Variants in MSH4 observed in about 807,000 individuals in gnomAD.
The protein encoded by MSH4 is mutS homolog 4, also known as mutS protein homolog 4.
MSH4 carries 106 observed loss-of-function variants against 113.7 expected under a neutral mutation model. The ratio of observed to expected loss-of-function variants is 0.93; its 90% CI spans 0.80 to 1.10. The LOEUF (loss-of-function observed/expected upper bound fraction) is 1.10. Ranked by LOEUF, MSH4 falls within the 50% of genes least tolerant of loss-of-function variation. MSH4 has a pLI of 0.00. For synonymous variants in MSH4, 368 were observed against 380.2 expected, an observed-to-expected ratio of 0.97 and a Z score of 0.37; for missense variants, 1,061 against 1,093.7, an observed-to-expected ratio of 0.97 and a Z score of 0.42.
intron 8 of MSH4, among the ~76,000 whole-genome samples, chr1:75,859,288 T>G (rs950038139): frequency 1.3e-5 from 2 of 152,304 alleles, no homozygotes; most frequent in Admixed American, 6.5e-5. Context: ...TTTTAGTTAT[T>G]TCTTATCTTC....
intron 1 of MSH4, among the ~76,000 whole-genome samples, chr1:75,801,632 G>A (rs962267915): frequency 1.3e-5 from 2 of 151,600 alleles, no homozygotes; most frequent in Non-Finnish European, 2.9e-5. Flanking sequence ...TCAGTGCTTT[G>A]GGAGGCTGAA....
chr1:75,896,101 G>A (rs1457756387), intron 17 of MSH4, among the ~76,000 whole-genome samples: 2 of 152,066 alleles, frequency 1.3e-5, no homozygotes, highest in East Asian at 1.9e-4. Flanking sequence ...GAAGAAAAAG[G>A]CTGATCCTTC....
intron 10 of MSH4, among the ~76,000 whole-genome samples, chr1:75,877,557 A>C (rs1036140827): frequency 6.6e-6 from 1 of 152,196 alleles, no homozygotes; most frequent in Non-Finnish European, 1.5e-5. Flanking sequence ...AGTTAATAAT[A>C]AAACTGGCTT....
In MSH4 at chr1:75,867,396, T is replaced by C. The variant is rs5745432; in HGVS notation, c.1231-118T>C. On this transcript the variant is annotated intron_variant, in intron 8 of 19. Transcript: ENST00000263187. Reference sequence around the variant, plus strand: ...TCATTCTTTAGGCTTGCATTGCGGCTAGGCTGATATATAAAAATATATGGG... The same window carrying C: ...TCATTCTTTAGGCTTGCATTGCGGCCAGGCTGATATATAAAAATATATGGG... 115 of 638,252 alleles carry C rather than the reference T, an allele frequency of 1.8e-4. No individual in the cohort carries two copies. In the Admixed American group the frequency reaches 3.7e-3, roughly 21 times the overall value. The allele number at this position is 638,252 out of a possible 1,614,324, so 39.5% of individuals were successfully genotyped here.
intron 7 of MSH4, among the ~76,000 whole-genome samples, chr1:75,823,588 C>A (rs1401334211): frequency 1.3e-5 from 2 of 152,130 alleles, no homozygotes; most frequent in Non-Finnish European, 2.9e-5. Flanking sequence ...TTAAGCCTTG[C>A]ATGCATTGGG....
At chr1:75,886,595 TTA>T (rs1159564706) in intron 15 of MSH4, among the ~76,000 whole-genome samples, 1 of 122,794 alleles carries the variant, frequency 8.1e-6, no homozygotes, top group Non-Finnish European at 1.6e-5. Flanking sequence ...ATATAATGTA[TTA>T]TATATTATAT....
At chr1:75,819,836 G>A (rs191266894) in intron 6 of MSH4, among the ~76,000 whole-genome samples, 88 of 152,142 alleles carry the variant, frequency 5.8e-4, no homozygotes, top group Middle Eastern at 6.8e-3. Context: ...TCAGCCTCCT[G>A]AGAAGCTGGG....
chr1:75,837,789 A>T (rs1460954486), intron 7 of MSH4, among the ~76,000 whole-genome samples: 3 of 151,946 alleles, frequency 2.0e-5, no homozygotes, highest in East Asian at 1.9e-4. Flanking sequence ...CTTAACTCTT[A>T]CCTTCCTTCC....
chr1:75,799,050 A>G (rs142199754), intron 1 of MSH4, among the ~76,000 whole-genome samples: 297 of 152,320 alleles, frequency 1.9e-3, no homozygotes, highest in African/African-American at 6.8e-3. Context: ...TTTATCCCTC[A>G]TCATTTAATA....
chr1:75,800,328 G>T (rs1649908043), intron 1 of MSH4, among the ~76,000 whole-genome samples: 1 of 152,126 alleles, frequency 6.6e-6, no homozygotes, highest in Non-Finnish European at 1.5e-5. Flanking sequence ...GTATATCATT[G>T]ATTCCTGCTG....
chr1:75,856,737 G>A (rs910586641), intron 8 of MSH4, among the ~76,000 whole-genome samples: 1 of 152,136 alleles, frequency 6.6e-6, no homozygotes, highest in African/African-American at 2.4e-5. Context: ...GAATAGTGCT[G>A]CAATAAACAT....
chr1:75,896,833 T>A (rs1476731074), intron 17 of MSH4, among the ~76,000 whole-genome samples: 2 of 152,168 alleles, frequency 1.3e-5, no homozygotes, highest in Non-Finnish European at 2.9e-5. Flanking sequence ...AGGACATTAT[T>A]GTTATTGAAT....
intron 7 of MSH4, among the ~76,000 whole-genome samples, chr1:75,838,942 T>TC (rs1474087699): frequency 6.6e-6 from 1 of 152,188 alleles, no homozygotes; most frequent in Non-Finnish European, 1.5e-5. Context: ...CACTTATTTT[T>TC]CTTTTTGTAA....
rs1652461979 is a variant in MSH4, at chr1:75,899,476, T to C, written c.2531-142T>C. ...TCATCCAGAATTTTAGAAAGCTTAA[T>C]TCTGAGAATTATTGAGTAGTTCAGA... On this transcript the variant is annotated intron_variant, in intron 18 of 19. Transcript: ENST00000263187. The C allele has an allele frequency of 9.5e-6, 4 of 422,008 alleles. No individual in the cohort carries two copies. In the South Asian group the frequency reaches 3.5e-4, roughly 37 times the overall value. 26.1% of individuals were successfully genotyped at this position (422,008 alleles called of 1,614,324 possible).
At chr1:75,797,637 AG>A (rs1179412013) in intron 1 of MSH4, among the ~76,000 whole-genome samples, 1 of 8,800 alleles carries the variant, frequency 1.1e-4, no homozygotes, top group African/African-American at 5.3e-4. Context: ...TAATATGTTT[AG>A]TATTAAAAGA....
intron 7 of MSH4, among the ~76,000 whole-genome samples, chr1:75,836,611 T>C (rs1462269105): frequency 6.6e-6 from 1 of 152,200 alleles, no homozygotes; most frequent in Non-Finnish European, 1.5e-5. Flanking sequence ...AGGCATATTG[T>C]TAAATGTAAT....
intron 9 of MSH4, among the ~76,000 whole-genome samples, chr1:75,871,706 T>C (rs1473861324): frequency 7.2e-5 from 11 of 152,216 alleles, no homozygotes; most frequent in Non-Finnish European, 4.4e-5. Flanking sequence ...AACATCTATT[T>C]TTTGATCCTG....
chr1:75,812,304 A>G (rs1393628187), intron 4 of MSH4, among the ~76,000 whole-genome samples: 1 of 152,140 alleles, frequency 6.6e-6, no homozygotes, highest in African/African-American at 2.4e-5. Context: ...GACTGAATTG[A>G]ACTTCGGTTT....
At chr1:75,823,272 C>T (rs1210607124) in intron 7 of MSH4, among the ~76,000 whole-genome samples, 2 of 152,206 alleles carry the variant, frequency 1.3e-5, no homozygotes, top group Non-Finnish European at 2.9e-5. Context: ...AGCTTGATTA[C>T]ATTTGCAAAG....
Sources: allele counts gnomAD v4.1 joint callset (sites outside exome capture counted in the v4.1 genomes callset), GRCh38; gene constraint gnomAD v4.1.1; transcripts MANE v1.5; gene names NCBI Gene and HGNC (gene_info 2026-07-23, HGNC 2026-07-21).